NUP62CL: variants seen among roughly 807,000 people sequenced by gnomAD.
NUP62CL encodes the protein nucleoporin 62 C-terminal like.
NUP62CL carries 13 observed loss-of-function variants against 15.3 expected under a neutral mutation model. That is an observed-to-expected ratio of 0.85 (90% confidence interval 0.55 to 1.35). The LOEUF (loss-of-function observed/expected upper bound fraction) is 1.35, where lower values mean the gene tolerates loss of function less well. NUP62CL is among the 40% of genes most tolerant of loss of function. The pLI, the probability that NUP62CL is intolerant of heterozygous loss-of-function variation, is 0.00. For missense variants in NUP62CL, 123 were observed against 130.6 expected (o/e 0.94, Z 0.28); for synonymous variants, 54 against 49.2 (o/e 1.10, Z -0.41).
At chrX:107,145,649 C>G (rs1429073889) in intron 8 of NUP62CL, among the ~76,000 whole-genome samples, 1 of 111,462 alleles carries the variant, frequency 9.0e-6, no homozygotes, top group East Asian at 2.8e-4. Flanking sequence ...ACTATCACAT[C>G]TAGTAAAATA....
At chrX:107,144,428 C>T (rs1925842956) in intron 8 of NUP62CL, among the ~76,000 whole-genome samples, 1 of 111,753 alleles carries the variant, frequency 8.9e-6, no homozygotes, top group Non-Finnish European at 1.9e-5. Context: ...CACAGTTTCT[C>T]CATTTAAATA....
chrX:107,183,812 G>A (rs1354145220), intron 2 of NUP62CL, among the ~76,000 whole-genome samples: 1 of 111,246 alleles, frequency 9.0e-6, no homozygotes, highest in African/African-American at 3.3e-5. Context: ...AACACCAGGA[G>A]AGCCTAGACA....
At chrX:107,169,177 T>A (rs182965267) in intron 3 of NUP62CL, among the ~76,000 whole-genome samples, 98 of 111,463 alleles carry the variant, frequency 8.8e-4, no homozygotes, top group African/African-American at 3.1e-3. Flanking sequence ...GGAATCCAAC[T>A]ATAGGCAAAA....
intron 3 of NUP62CL, among the ~76,000 whole-genome samples, chrX:107,173,264 G>A (rs938283676): frequency 8.9e-6 from 1 of 112,060 alleles, no homozygotes; most frequent in African/African-American, 3.2e-5. Flanking sequence ...GTCCAGAAAA[G>A]GCAAATATAT....
At chrX:107,194,811 C>CTTTTTTTTTT (rs1174813324) in intron 1 of NUP62CL, among the ~76,000 whole-genome samples, 1 of 46,303 alleles carries the variant, frequency 2.2e-5, no homozygotes, top group Non-Finnish European at 3.7e-5. Context: ...TTCTTTCTCT[C>CTTTTTTTTTT]TTTTTTTTTT....
At chrX:107,125,049 G>A (rs144283335) in intron 8 of NUP62CL, among the ~76,000 whole-genome samples, 1,502 of 111,300 alleles carry the variant, frequency 0.013, 9 homozygotes, top group Non-Finnish European at 0.019. Flanking sequence ...TTTAAACTGC[G>A]CAAGTTCACT....
intron 4 of NUP62CL, 148 bp from the exon 5 acceptor site, chrX:107,154,394 G>T (rs979462483): frequency 2.4e-5 from 8 of 338,992 alleles, no homozygotes; most frequent in Non-Finnish European, 3.6e-5. Flanking sequence ...AAACATAACT[G>T]GTAAAGATGA....
At chrX:107,203,176 A>G (rs1309317371) in intron 1 of NUP62CL, among the ~76,000 whole-genome samples, 2 of 109,263 alleles carry the variant, frequency 1.8e-5, no homozygotes, top group African/African-American at 3.3e-5. Context: ...TATGTAAGAC[A>G]TAAGTTATAG....
At chrX:107,135,847 T>A (rs1473123667) in intron 8 of NUP62CL, among the ~76,000 whole-genome samples, 1 of 110,943 alleles carries the variant, frequency 9.0e-6, no homozygotes, top group Non-Finnish European at 1.9e-5. Context: ...AGTTTTAAAT[T>A]GTGCACCATT....
In NUP62CL at chrX:107,190,545, T is replaced by C. The variant is rs774893858; in HGVS notation, c.-48+2484A>G. Among the ~76,000 whole-genome samples the C allele has an allele frequency of 2.3e-3, 258 of 111,942 alleles. 1 individual carries two copies. The highest frequency in any genetic ancestry group is 7.8e-3 in the African/African-American group (241 of 30,811). ...AAACTATAAACCAGAAGGGGCACTTTGTATTTAATTTCCCCTATATTCATC... is the reference window on the plus strand; with the variant it reads ...AAACTATAAACCAGAAGGGGCACTTCGTATTTAATTTCCCCTATATTCATC... On this transcript the variant is annotated intron_variant, in intron 2 of 8. Transcript: ENST00000372466.
chrX:107,198,520 G>A, intron 1 of NUP62CL, among the ~76,000 whole-genome samples: 1 of 112,005 alleles, frequency 8.9e-6, no homozygotes. Context: ...TCACCGTGAA[G>A]GTCTGCAGCT....
chrX:107,172,941 C>T (rs762560726), intron 3 of NUP62CL, among the ~76,000 whole-genome samples: 1 of 111,238 alleles, frequency 9.0e-6, no homozygotes, highest in East Asian at 2.8e-4. Flanking sequence ...GCCATAGAAC[C>T]TACTTACTGC....
intron 8 of NUP62CL, among the ~76,000 whole-genome samples, chrX:107,130,071 G>A (rs956401433): frequency 9.0e-6 from 1 of 111,387 alleles, no homozygotes; most frequent in Non-Finnish European, 1.9e-5. Flanking sequence ...ATTAAATTTA[G>A]ATCAGTCCAG....
intron 7 of NUP62CL, among the ~76,000 whole-genome samples, chrX:107,148,946 T>A (rs1285589): frequency 0.049 from 5,425 of 111,453 alleles, 335 homozygotes; most frequent in African/African-American, 0.17. Context: ...AGAAAATGTT[T>A]TTCCCGTTTC....
intron 8 of NUP62CL, among the ~76,000 whole-genome samples, chrX:107,138,316 A>C (rs781633020): frequency 1.8e-5 from 2 of 111,879 alleles, no homozygotes; most frequent in African/African-American, 6.5e-5. Flanking sequence ...GATCAAATGC[A>C]TTGCATCAAA....
At chrX:107,189,877 A>AAAAAG (rs1556028784) in intron 2 of NUP62CL, among the ~76,000 whole-genome samples, 2 of 56,126 alleles carry the variant, frequency 3.6e-5, no homozygotes, top group African/African-American at 1.7e-4. Context: ...AAAAAGAAAG[A>AAAAAG]AAAGAAAGAA....
intron 2 of NUP62CL, among the ~76,000 whole-genome samples, chrX:107,191,750 G>T (rs1307802028): frequency 6.3e-5 from 7 of 111,235 alleles, no homozygotes; most frequent in Non-Finnish European, 1.1e-4. Flanking sequence ...TGCCAGCCCA[G>T]CACTTTATTA....
At chrX:107,152,055 T>TATATATATATATATATATTCAG (rs1926029982) in intron 7 of NUP62CL, among the ~76,000 whole-genome samples, 5 of 68,942 alleles carry the variant, frequency 7.3e-5, no homozygotes, top group African/African-American at 2.9e-4. Flanking sequence ...TTCAGATATA[T>TATATATATATATATATATTCAG]ATATATATAT....
chrX:107,190,294 C>A (rs1274980884), intron 2 of NUP62CL, among the ~76,000 whole-genome samples: 1 of 112,193 alleles, frequency 8.9e-6, no homozygotes, highest in Non-Finnish European at 1.9e-5. Context: ...GATATGCTTT[C>A]TTGTTCTATT....
Sources: allele counts gnomAD v4.1 joint callset (sites outside exome capture counted in the v4.1 genomes callset), GRCh38; gene constraint gnomAD v4.1.1; transcripts MANE v1.5; gene names NCBI Gene and HGNC (gene_info 2026-07-23, HGNC 2026-07-21).